Variants in ST18 observed in about 807,000 individuals in gnomAD.
ST18 encodes ST18 C2H2C-type zinc finger transcription factor.
A neutral mutation model predicts 110.0 loss-of-function variants in ST18; 50 were observed. The observed-to-expected ratio is 0.45, with a 90% CI of 0.36 to 0.58. ST18 has a LOEUF of 0.58. Among genes scored for constraint, ST18 ranks in the 20% least tolerant of loss-of-function variants. The probability of loss-of-function intolerance (pLI) is 0.00; values close to 1 mark genes in which losing one functional copy is unlikely to be tolerated. For synonymous variants in ST18, 461 were observed against 452.4 expected, an observed-to-expected ratio of 1.02 and a Z score of -0.24; for missense variants, 1,306 against 1,280.1, an observed-to-expected ratio of 1.02 and a Z score of -0.31.
rs77634277 is a variant in ST18 at position 52,317,804 on chromosome 8, C to T, written c.-464-87727G>A. Among the ~76,000 whole-genome samples, 113 of 152,274 alleles carry T rather than the reference C, an allele frequency of 7.4e-4. 3 individuals are homozygous for T. In the East Asian group the frequency reaches 0.021, roughly 28 times the overall value. On this transcript the variant is annotated intron_variant, in intron 2 of 25. Coordinates refer to ENST00000689386, the MANE Select transcript of ST18 (RefSeq NM_001352837.2). ...AACACAGGGATTATTCATTATTTCT[C>T]ATTTTAAATAGTTTACCATGTCCGT...
At chr8:52,311,916 T>C (rs766481848) in intron 2 of ST18, among the ~76,000 whole-genome samples, 2 of 152,094 alleles carry the variant, frequency 1.3e-5, no homozygotes, top group African/African-American at 2.4e-5. Context: ...TCTTTAGAAA[T>C]ATGAAACCAC....
rs565831698 is a variant in ST18, at chr8:52,303,120, T to C, written c.-464-73043A>G. Among the ~76,000 whole-genome samples the C allele has an allele frequency of 5.9e-5, 9 of 152,322 alleles. No homozygotes were observed. In the East Asian group the frequency reaches 1.5e-3, roughly 26 times the overall value. On this transcript the variant is annotated intron_variant, in intron 2 of 25. Coordinates refer to ENST00000689386, the MANE Select transcript of ST18 (RefSeq NM_001352837.2). ...GGTGCCATAACAGATTACCACAAAA[T>C]TGGTGGCTTAAAATGACACAGATTT...
chr8:52,197,694 A>G (rs768233227), intron 8 of ST18, among the ~76,000 whole-genome samples: 11 of 152,130 alleles, frequency 7.2e-5, no homozygotes, highest in Non-Finnish European at 1.6e-4. Context: ...AGTGGGTAAG[A>G]TGGAAGAAAA....
At chr8:52,365,988 C>A (rs1388874566) in intron 2 of ST18, among the ~76,000 whole-genome samples, 1 of 151,900 alleles carries the variant, frequency 6.6e-6, no homozygotes, top group African/African-American at 2.4e-5. Flanking sequence ...TTGAGTGTAT[C>A]TCATGGATTA....
At chr8:52,380,824 C>T (rs1452046965) in intron 2 of ST18, among the ~76,000 whole-genome samples, 1 of 152,160 alleles carries the variant, frequency 6.6e-6, no homozygotes, top group Non-Finnish European at 1.5e-5. Flanking sequence ...AGAGAATCAG[C>T]ATTCAATCAA....
At chr8:52,325,734 A>T (rs1401994412) in intron 2 of ST18, among the ~76,000 whole-genome samples, 1 of 152,154 alleles carries the variant, frequency 6.6e-6, no homozygotes, top group Non-Finnish European at 1.5e-5. Context: ...CCAGCTAGGA[A>T]TTTTTGCCCA....
rs535098929 is a variant in ST18 at position 52,174,379 on chromosome 8, ATT to A, written c.278-1798_278-1797del. Among the ~76,000 whole-genome samples, 312 of 152,320 alleles carry A rather than the reference ATT, an allele frequency of 2.0e-3. 1 individual carries two copies. Among genetic ancestry groups the A allele is most frequent in the African/African-American group, 6.9e-3 (286 of 41,570 alleles). ...GAACTACAGAAAACAAATAAAAAGCATTTTCAGTGAATATGCTCAATTCATTG... is the reference window on the plus strand; with the variant it reads ...GAACTACAGAAAACAAATAAAAAGCATTCAGTGAATATGCTCAATTCATTG... On this transcript the variant is annotated intron_variant, in intron 9 of 25. Coordinates refer to ENST00000689386, the MANE Select transcript of ST18 (RefSeq NM_001352837.2).
chr8:52,314,898 G>A (rs1270753699), intron 2 of ST18, among the ~76,000 whole-genome samples: 3 of 152,170 alleles, frequency 2.0e-5, no homozygotes, highest in Non-Finnish European at 2.9e-5. Context: ...CGATTCTAAA[G>A]CATCTGGGGC....
intron 2 of ST18, among the ~76,000 whole-genome samples, chr8:52,259,594 G>A (rs2094622732): frequency 6.6e-6 from 1 of 152,082 alleles, no homozygotes; most frequent in African/African-American, 2.4e-5. Flanking sequence ...TGATGATGAT[G>A]ATAACGATTA....
At chr8:52,153,741 T>C (rs1394338194) in intron 15 of ST18, among the ~76,000 whole-genome samples, 1 of 152,226 alleles carries the variant, frequency 6.6e-6, no homozygotes. Context: ...AGAAGAGAAG[T>C]TAGACAGGCA....
chr8:52,206,661 TC>T (rs2080195057), intron 8 of ST18: 1 of 152,200 alleles, frequency 6.6e-6, no homozygotes, highest in Non-Finnish European at 1.5e-5. Context: ...TCTTGGGTGA[TC>T]AGTCTTGAGT....
At chr8:52,172,926 T>C (rs2133857400) in intron 9 of ST18, among the ~76,000 whole-genome samples, 1 of 152,324 alleles carries the variant, frequency 6.6e-6, no homozygotes, top group Non-Finnish European at 1.5e-5. Flanking sequence ...ATAATAGTAT[T>C]TGCTGAATGT....
intron 8 of ST18, among the ~76,000 whole-genome samples, chr8:52,189,190 G>C (rs7012262): frequency 6.6e-6 from 1 of 152,136 alleles, no homozygotes; most frequent in Admixed American, 6.5e-5. Flanking sequence ...AGAGTAGAAA[G>C]GGTGCACAGG....
chr8:52,264,300 A>G (rs186413393), intron 2 of ST18, among the ~76,000 whole-genome samples: 1 of 152,172 alleles, frequency 6.6e-6, no homozygotes, highest in South Asian at 2.1e-4. Flanking sequence ...CTTCTTATCA[A>G]TGAATCTAGT....
chr8:52,155,100 G>A (rs2132775941), intron 15 of ST18, among the ~76,000 whole-genome samples: 1 of 151,744 alleles, frequency 6.6e-6, no homozygotes, highest in South Asian at 2.1e-4. Context: ...TGCTTGGGAG[G>A]CTGAGGCAGG....
chr8:52,220,579 C>G (rs2086255280), intron 5 of ST18, 162 bp downstream of exon 5: 1 of 152,058 alleles, frequency 6.6e-6, no homozygotes, highest in African/African-American at 2.4e-5. Flanking sequence ...GGCTGTATTT[C>G]TGACAAAAAT....
chr8:52,374,287 G>GCA (rs1165873952), intron 2 of ST18, among the ~76,000 whole-genome samples: 1 of 152,066 alleles, frequency 6.6e-6, no homozygotes, highest in African/African-American at 2.4e-5. Context: ...CATAAAGGAG[G>GCA]CACATGAGGA....
chr8:52,313,432 G>T, intron 2 of ST18: 1 of 157,730 alleles, frequency 6.3e-6, no homozygotes, highest in East Asian at 1.7e-4. Flanking sequence ...CCAGGGTTTG[G>T]GACAGCCTAG....
intron 2 of ST18, among the ~76,000 whole-genome samples, chr8:52,377,757 C>T (rs1205350508): frequency 6.6e-6 from 1 of 152,084 alleles, no homozygotes. Context: ...TGGATGTATA[C>T]CCAAGAGAAA....
Sources: allele counts gnomAD v4.1 joint callset (sites outside exome capture counted in the v4.1 genomes callset), GRCh38; gene constraint gnomAD v4.1.1; transcripts MANE v1.5; gene names NCBI Gene and HGNC (gene_info 2026-07-23, HGNC 2026-07-21).